Variants in DLEC1 observed in about 807,000 individuals in gnomAD.
DLEC1 encodes the protein DLEC1 cilia and flagella associated protein.
A neutral mutation model predicts 198.1 loss-of-function variants in DLEC1; 146 were observed. The observed-to-expected ratio is 0.74, with a 90% CI of 0.64 to 0.85. The LOEUF (loss-of-function observed/expected upper bound fraction) is 0.85, where lower values mean the gene tolerates loss of function less well. Ranked by LOEUF, DLEC1 falls within the 40% of genes least tolerant of loss-of-function variation. The pLI, the probability that DLEC1 is intolerant of heterozygous loss-of-function variation, is 0.00. For synonymous variants in DLEC1, 897 were observed against 866.8 expected, an observed-to-expected ratio of 1.03 and a Z score of -0.61; for missense variants, 2,233 against 2,220.0, an observed-to-expected ratio of 1.01 and a Z score of -0.12.
Position 38,100,421 on chromosome 3 carries a change from T to C in DLEC1, c.2860T>C (p.Trp954Arg). The C allele has an allele frequency of 6.2e-7, 1 of 1,612,036 alleles. No homozygotes were observed. Among genetic ancestry groups the C allele is most frequent in the South Asian group, 1.1e-5 (1 of 90,798 alleles). Residue 954 changes from tryptophan to arginine, a missense_variant, in exon 19 of 37, where the codon TGG becomes CGG. Transcript: ENST00000308059. The part of the protein sequence containing the change: ...VLELEVENGA[W>R]SYLPVYAEVQ... ...GGAGCTGGAGGTGGAAAATGGTGCCTGGAGGTAAGGGTGCCGTGGGAAGAG... is the reference window on the plus strand; with the variant it reads ...GGAGCTGGAGGTGGAAAATGGTGCCCGGAGGTAAGGGTGCCGTGGGAAGAG...
chr3:38,041,327 G>C (rs1252724176), intron 1 of DLEC1, among the ~76,000 whole-genome samples: 2 of 151,558 alleles, frequency 1.3e-5, no homozygotes, highest in Non-Finnish European at 2.9e-5. Context: ...TAAAAATTGT[G>C]AGATGGGGTC....
At chr3:38,095,598 G>A (rs1698974083) in intron 13 of DLEC1, 1 of 429,172 alleles carries the variant, frequency 2.3e-6, no homozygotes, top group African/African-American at 2.0e-5. Context: ...TATCCTGGGA[G>A]GGTGTGGTGC....
rs185702621 is a variant in DLEC1, at chr3:38,097,739, C to T, written c.2566-5C>T. 3 of 1,614,052 alleles carry T rather than the reference C, an allele frequency of 1.9e-6. No homozygotes were observed. Among genetic ancestry groups the T allele is most frequent in the African/African-American group, 2.7e-5 (2 of 75,026 alleles). The stretch of plus-strand genomic sequence containing the variant: ...GCCCAGTGACAGGCCCTCTGGGTGT[C>T]TCAGGGGCCTGCCCTCATCATCAAC... On this transcript the variant is annotated splice_polypyrimidine_tract_variant and splice_region_variant and intron_variant, in intron 17 of 36. Transcript: ENST00000308059.
Position 38,110,090 on chromosome 3 carries a change from T to G in DLEC1, c.3261-9T>G. ...CATAGTACCAATGGGCACAGGACAGTGTTTTCAGCACAGAGCAGTGGCCAG... is the reference window on the plus strand; with the variant it reads ...CATAGTACCAATGGGCACAGGACAGGGTTTTCAGCACAGAGCAGTGGCCAG... On this transcript the variant is annotated splice_polypyrimidine_tract_variant and intron_variant, in intron 22 of 36. Coordinates refer to ENST00000308059, the MANE Select transcript of DLEC1 (RefSeq NM_007335.4). 6.2e-7 allele frequency: 1 copy of G among 1,613,402 alleles called. No homozygotes were observed. Among genetic ancestry groups the G allele is most frequent in the Non-Finnish European group, 8.5e-7 (1 of 1,179,974 alleles).
chr3:38,065,002 G>A lies in DLEC1; in HGVS notation c.1173+1083G>A, dbSNP rs1032750764. Among the ~76,000 whole-genome samples the A allele has an allele frequency of 4.6e-5, 7 of 152,212 alleles. No individual in the cohort carries two copies. In the East Asian group the frequency reaches 1.3e-3, roughly 29 times the overall value. On this transcript the variant is annotated intron_variant, in intron 6 of 36. Coordinates refer to ENST00000308059, the MANE Select transcript of DLEC1 (RefSeq NM_007335.4). The stretch of plus-strand genomic sequence containing the variant: ...CCAAGGCAGGCGGCTGGGAGGTGGA[G>A]GTTGTAGCGAGCCGAGATCATGCCA...
intron 1 of DLEC1, among the ~76,000 whole-genome samples, chr3:38,041,603 C>T (rs1476962304): frequency 6.6e-6 from 1 of 151,388 alleles, no homozygotes; most frequent in Non-Finnish European, 1.5e-5. Context: ...AATCCCAGCA[C>T]TTTGGGAGGC....
At chr3:38,084,553 TAGTAGTAGTGGTAGTAGTAGTAGTGGGGG>T (rs1698317022) in intron 7 of DLEC1, among the ~76,000 whole-genome samples, 1 of 149,764 alleles carries the variant, frequency 6.7e-6, no homozygotes, top group African/African-American at 2.4e-5. Context: ...GTAGTAGTGG[TAGTAGTAGTGGTAGTAGTAGTAGTGGGGG>T]GGTGGTAGTA....
At chr3:38,072,597 G>A (rs1697382968) in intron 6 of DLEC1, among the ~76,000 whole-genome samples, 1 of 152,164 alleles carries the variant, frequency 6.6e-6, no homozygotes. Context: ...AAAGGATTTA[G>A]GATCTATGGG....
intron 25 of DLEC1, among the ~76,000 whole-genome samples, chr3:38,113,262 G>A (rs1699981657): frequency 6.6e-6 from 1 of 152,224 alleles, no homozygotes; most frequent in African/African-American, 2.4e-5. Flanking sequence ...TGAAGATACA[G>A]GGGAAAGGGT....
chr3:38,122,881 T>C lies in DLEC1; in HGVS notation c.*469T>C. On this transcript the variant is annotated 3_prime_UTR_variant, in exon 37 of 37. Transcript: ENST00000308059. ...CAACACCCCACCCACTCCTATACCA[T>C]GTCATCAGTGTTCACATTTTCCAAA... 1.3e-6 allele frequency: 1 copy of C among 793,638 alleles called. No homozygotes were observed. Among genetic ancestry groups the C allele is most frequent in the Non-Finnish European group, 2.0e-6 (1 of 500,096 alleles). 49.2% of individuals were successfully genotyped at this position (793,638 alleles called of 1,614,324 possible).
At chr3:38,118,843 G>A (rs1020007711) in intron 33 of DLEC1, among the ~76,000 whole-genome samples, 3 of 152,132 alleles carry the variant, frequency 2.0e-5, no homozygotes, top group Non-Finnish European at 4.4e-5. Context: ...TCAGTGAACA[G>A]CCATATTATT....
Position 38,112,856 on chromosome 3 carries a change from A to AC in DLEC1, c.3666+495_3666+496insC, listed in dbSNP as rs1449581675. 2.0e-5 allele frequency among the ~76,000 whole-genome samples: 3 copies of AC among 152,176 alleles called. No homozygotes were observed. The highest frequency in any genetic ancestry group is 1.3e-4 in the Admixed American group (2 of 15,286). ...CTGTAGTGTGGAGGATACAGGGATG[A>AC]ATAAGGTAACCAGCAAGGCACCCCT... On this transcript the variant is annotated intron_variant, in intron 25 of 36. Coordinates refer to ENST00000308059, the MANE Select transcript of DLEC1 (RefSeq NM_007335.4). This position sits in a 1 kb window ranked among gnomAD's most constrained non-coding sequence, Gnocchi z 4.8.
intron 6 of DLEC1, among the ~76,000 whole-genome samples, chr3:38,070,565 G>A (rs1266832670): frequency 5.3e-5 from 8 of 152,188 alleles, no homozygotes; most frequent in Non-Finnish European, 8.8e-5. Context: ...TAATCACCTG[G>A]GTGCAGGCGA....
At chr3:38,114,682 G>A (rs528481621) in intron 26 of DLEC1, among the ~76,000 whole-genome samples, 4 of 152,188 alleles carry the variant, frequency 2.6e-5, no homozygotes, top group African/African-American at 9.6e-5. Flanking sequence ...GGCAGAAGTG[G>A]CGAGTAGTCA....
chr3:38,122,507 G>C lies in DLEC1; in HGVS notation c.*95G>C. The C allele has an allele frequency of 1.2e-6, 2 of 1,612,496 alleles. No homozygotes were observed. The highest frequency in any genetic ancestry group is 1.7e-6 in the Non-Finnish European group (2 of 1,179,702). On this transcript the variant is annotated 3_prime_UTR_variant, in exon 37 of 37. Coordinates refer to ENST00000308059, the MANE Select transcript of DLEC1 (RefSeq NM_007335.4). ...TCTTCAGCACAAAGACACAGACTTG[G>C]GGACCTGGGGACCTCTGGGCAGCTC...
At chr3:38,095,699 C>T (rs940249718) in intron 13 of DLEC1, 189 bp from the exon 14 acceptor site, 19 of 644,760 alleles carry the variant, frequency 2.9e-5, no homozygotes, top group Non-Finnish European at 4.0e-5. Context: ...AGTCCTGGCT[C>T]ATGTTCTGGC....
chr3:38,052,456 G>C (rs1409953712), intron 2 of DLEC1: 3 of 209,056 alleles, frequency 1.4e-5, no homozygotes, highest in African/African-American at 6.9e-5. Flanking sequence ...CAGAAACGAA[G>C]AGGGAGCTGA....
chr3:38,116,365 CTCTG>C lies in DLEC1; in HGVS notation c.3857-83_3857-80del. ...ACCTGGGTATGGGAGAATAGGTCATCTCTGTCTGGGGGTATGAGGAGGAGGGGGC... is the reference window on the plus strand; with the variant it reads ...ACCTGGGTATGGGAGAATAGGTCATCTCTGGGGGTATGAGGAGGAGGGGGC... On this transcript the variant is annotated intron_variant, in intron 27 of 36. Coordinates refer to ENST00000308059, the MANE Select transcript of DLEC1 (RefSeq NM_007335.4). The C allele has an allele frequency of 3.8e-6, 5 of 1,317,366 alleles. No individual in the cohort carries two copies. The South Asian group carries it at 5.1e-5, about 13-fold the overall frequency. 81.6% of individuals were successfully genotyped at this position (1,317,366 alleles called of 1,614,324 possible). A position where few individuals can be genotyped will look rare whatever the true frequency, so the allele number is the denominator to read the frequency against.
At chr3:38,044,277 G>A (rs1030093724) in intron 1 of DLEC1, among the ~76,000 whole-genome samples, 4 of 152,052 alleles carry the variant, frequency 2.6e-5, no homozygotes, top group African/African-American at 9.7e-5. Context: ...AGGAAAATAA[G>A]ACTGGGCGCA....
Sources: gnomAD v4.1 joint callset for allele counts (sites outside exome capture counted in the v4.1 genomes callset) on GRCh38, gnomAD v4.1.1 for gene constraint, Gnocchi (gnomAD v3.1) non-coding constraint, MANE v1.5 for transcripts, NCBI Gene and HGNC (gene_info 2026-07-23, HGNC 2026-07-21) for gene names.